Variants in FARS2 observed in about 807,000 individuals in gnomAD.
The protein encoded by FARS2 is phenylalanine--tRNA ligase, mitochondrial.
Under a neutral mutation model 46.4 loss-of-function variants are expected in FARS2, and 40 were observed. The observed-to-expected ratio is 0.86, with a 90% CI of 0.67 to 1.12. The LOEUF (loss-of-function observed/expected upper bound fraction) is 1.12. Among genes scored for constraint, FARS2 ranks in the 50% most tolerant of loss-of-function variants. The pLI is 0.00. For missense variants in FARS2, 513 were observed against 567.9 expected, an observed-to-expected ratio of 0.90 and a Z score of 0.98; for synonymous variants, 234 against 214.9, an observed-to-expected ratio of 1.09 and a Z score of -0.78.
chr6:5,576,648 C>A (rs1195865943), intron 5 of FARS2, among the ~76,000 whole-genome samples: 1 of 62,784 alleles, frequency 1.6e-5, no homozygotes, highest in South Asian at 5.6e-4. Flanking sequence ...TATATATATC[C>A]TATTAGTTCT....
chr6:5,562,272 C>A (rs915525956), intron 5 of FARS2, among the ~76,000 whole-genome samples: 6 of 151,634 alleles, frequency 4.0e-5, no homozygotes, highest in African/African-American at 1.5e-4. Context: ...TTACGGCATC[C>A]TCTTGTCCCT....
chr6:5,600,291 T>G (rs1181453994), intron 5 of FARS2, among the ~76,000 whole-genome samples: 1 of 152,170 alleles, frequency 6.6e-6, no homozygotes, highest in East Asian at 1.9e-4. Context: ...ACATTACAAT[T>G]TAGAGGGATG....
chr6:5,391,820 A>G (rs764853857), intron 2 of FARS2, among the ~76,000 whole-genome samples: 4 of 152,190 alleles, frequency 2.6e-5, no homozygotes, highest in Non-Finnish European at 5.9e-5. Context: ...TGGCTTTTGC[A>G]ATCTACTTTT....
At chr6:5,329,404 A>G (rs1273749198) in intron 1 of FARS2, among the ~76,000 whole-genome samples, 1 of 152,112 alleles carries the variant, frequency 6.6e-6, no homozygotes, top group Non-Finnish European at 1.5e-5. Context: ...ATGTGCTTTC[A>G]ACCTGTTTTT....
chr6:5,469,637 G>A (rs557891763), intron 4 of FARS2, among the ~76,000 whole-genome samples: 3 of 152,316 alleles, frequency 2.0e-5, no homozygotes, highest in Non-Finnish European at 4.4e-5. Flanking sequence ...AGGATGACTC[G>A]CTTCAAGTGT....
intron 6 of FARS2, among the ~76,000 whole-genome samples, chr6:5,619,197 C>T (rs766823703): frequency 6.6e-6 from 1 of 152,060 alleles, no homozygotes; most frequent in Non-Finnish European, 1.5e-5. Flanking sequence ...ACAAAGTAGA[C>T]CTTAATAGGT....
intron 1 of FARS2, among the ~76,000 whole-genome samples, chr6:5,367,833 C>T (rs940364168): frequency 2.0e-5 from 3 of 152,100 alleles, no homozygotes; most frequent in Non-Finnish European, 1.5e-5. Flanking sequence ...AGAAGATTTG[C>T]ATTTACAGCT....
chr6:5,598,565 C>T (rs1774333347), intron 5 of FARS2, among the ~76,000 whole-genome samples: 1 of 152,116 alleles, frequency 6.6e-6, no homozygotes, highest in African/African-American at 2.4e-5. Context: ...AACCACTTTC[C>T]CTGGGTATTT....
At chr6:5,503,413 G>C (rs1053176429) in intron 4 of FARS2, among the ~76,000 whole-genome samples, 1,360 of 122,666 alleles carry the variant, frequency 0.011, 19 homozygotes, top group African/African-American at 0.032. Flanking sequence ...CACAGAGAGA[G>C]AGAGAGAGAG....
intron 6 of FARS2, among the ~76,000 whole-genome samples, chr6:5,676,623 G>T (rs1439300242): frequency 1.3e-5 from 2 of 152,180 alleles, no homozygotes; most frequent in Non-Finnish European, 2.9e-5. Context: ...GATTTTTATA[G>T]AAAGTGCTCA....
upstream of FARS2, chr6:5,260,797 G>A: frequency 6.5e-7 from 1 of 1,533,698 alleles, no homozygotes; most frequent in Non-Finnish European, 8.7e-7. Flanking sequence ...CCCAACCCAC[G>A]AAACTCCAGC....
At chr6:5,430,352 C>T (rs1244873555) in intron 3 of FARS2, among the ~76,000 whole-genome samples, 2 of 152,070 alleles carry the variant, frequency 1.3e-5, no homozygotes, top group Non-Finnish European at 2.9e-5. Context: ...AGTCTTTTCC[C>T]TTGTTAAATA....
chr6:5,666,522 G>T (rs74567589), intron 6 of FARS2, among the ~76,000 whole-genome samples: 1 of 152,202 alleles, frequency 6.6e-6, no homozygotes, highest in Non-Finnish European at 1.5e-5. Context: ...TTAATAAATA[G>T]TACATGATAG....
chr6:5,618,300 C>G (rs190783382), intron 6 of FARS2, among the ~76,000 whole-genome samples: 53 of 152,258 alleles, frequency 3.5e-4, no homozygotes, highest in Non-Finnish European at 6.8e-4. Flanking sequence ...CCCCATCTCC[C>G]CACCAAGTCC....
At chr6:5,700,762 G>A (rs1437899737) in intron 6 of FARS2, among the ~76,000 whole-genome samples, 1 of 152,152 alleles carries the variant, frequency 6.6e-6, no homozygotes, top group Non-Finnish European at 1.5e-5. Flanking sequence ...TGGCTTTGGA[G>A]ACAGAAATCA....
In FARS2 at chr6:5,693,641, G is replaced by A. The variant is rs574066398; in HGVS notation, c.1218-77650G>A. Among the ~76,000 whole-genome samples, 9 of 152,242 alleles carry A rather than the reference G, an allele frequency of 5.9e-5. No individual in the cohort carries two copies. In the South Asian group the frequency reaches 8.3e-4, roughly 14 times the overall value. On this transcript the variant is annotated intron_variant, in intron 6 of 6. Transcript: ENST00000274680. ...AAAGCACTGATTTTATTGTGCTCAC[G>A]TGTCCTTGTCTCCATTCTGTGATGC...
At chr6:5,725,025 A>G (rs1234707258) in intron 6 of FARS2, among the ~76,000 whole-genome samples, 1 of 152,260 alleles carries the variant, frequency 6.6e-6, no homozygotes, top group Non-Finnish European at 1.5e-5. Flanking sequence ...GTTTCTCGCT[A>G]TTACCGTGTT....
intron 6 of FARS2, among the ~76,000 whole-genome samples, chr6:5,736,746 C>A (rs1306150140): frequency 6.6e-6 from 1 of 152,022 alleles, no homozygotes; most frequent in African/African-American, 2.4e-5. Context: ...TATAGACCAG[C>A]ATGAATTCAA....
intron 6 of FARS2, among the ~76,000 whole-genome samples, chr6:5,728,477 A>C (rs1273477384): frequency 6.6e-6 from 1 of 152,156 alleles, no homozygotes; most frequent in African/African-American, 2.4e-5. Context: ...ATAGGGAATA[A>C]TTCTACTCAT....
Sources: allele counts gnomAD v4.1 joint callset (sites outside exome capture counted in the v4.1 genomes callset), GRCh38; gene constraint gnomAD v4.1.1; transcripts MANE v1.5; gene names NCBI Gene and HGNC (gene_info 2026-07-23, HGNC 2026-07-21).